The following NYAP2 variants were observed in gnomAD, a reference collection of about 807,000 sequenced individuals.
NYAP2 encodes the protein neuronal tyrosine-phosphorylated phosphoinositide-3-kinase adaptor 2.
Under a neutral mutation model 50.4 loss-of-function variants are expected in NYAP2, and 23 were observed. The ratio of observed to expected loss-of-function variants is 0.46; its 90% confidence interval spans 0.33 to 0.65. NYAP2 has a LOEUF of 0.65. Ranked by LOEUF, NYAP2 falls within the 30% of genes least tolerant of loss-of-function variation. The pLI is 0.02. For synonymous variants in NYAP2, 394 were observed against 365.2 expected (o/e 1.08, Z -0.90); for missense variants, 885 against 861.0 (o/e 1.03, Z -0.35).
chr2:225,450,058 T>C (rs932615381), intron 3 of NYAP2, among the ~76,000 whole-genome samples: 14 of 152,192 alleles, frequency 9.2e-5, no homozygotes, highest in Non-Finnish European at 7.3e-5. Flanking sequence ...AAAGATAATA[T>C]GTGGTCTTGA....
At chr2:225,476,443 A>G (rs981917305) in intron 3 of NYAP2, among the ~76,000 whole-genome samples, 2 of 152,102 alleles carry the variant, frequency 1.3e-5, no homozygotes, top group African/African-American at 2.4e-5. Context: ...TACTTAAAAA[A>G]TATGCCAGGT....
the NYAP2 span, among the ~76,000 whole-genome samples, chr2:225,697,930 TGGGA>T: frequency 6.6e-6 from 1 of 151,904 alleles, no homozygotes; most frequent in Non-Finnish European, 1.5e-5. Flanking sequence ...CCCAGCACTT[TGGGA>T]GGCTGAGGCG....
chr2:225,500,776 A>G (rs1418543259), intron 3 of NYAP2, among the ~76,000 whole-genome samples: 2 of 152,178 alleles, frequency 1.3e-5, no homozygotes, highest in African/African-American at 4.8e-5. Flanking sequence ...TAGAAGGTCA[A>G]TGAATAGATG....
intron 5 of NYAP2, among the ~76,000 whole-genome samples, chr2:225,586,376 C>T (rs1692389872): frequency 6.6e-6 from 1 of 151,940 alleles, no homozygotes; most frequent in South Asian, 2.1e-4. Context: ...AGTGTTTTTT[C>T]CTGGTTGATG....
At chr2:225,691,796 A>G in the NYAP2 span, among the ~76,000 whole-genome samples, 1 of 152,030 alleles carries the variant, frequency 6.6e-6, no homozygotes, top group Non-Finnish European at 1.5e-5. Context: ...AATGCTATCC[A>G]TGGTCTCCTG....
At chr2:225,604,408 G>A (rs551263621) in intron 5 of NYAP2, among the ~76,000 whole-genome samples, 4 of 152,148 alleles carry the variant, frequency 2.6e-5, no homozygotes, top group African/African-American at 9.6e-5. Flanking sequence ...TATTTGCTGG[G>A]CCTTAGAAAT....
At chr2:225,591,745 C>A (rs1993323) in intron 5 of NYAP2, among the ~76,000 whole-genome samples, 75,412 of 151,870 alleles carry the variant, frequency 0.5, 19,615 homozygotes, top group South Asian at 0.67. Flanking sequence ...TTTAATGATA[C>A]CTTATCTATA....
intron 6 of NYAP2, among the ~76,000 whole-genome samples, chr2:225,632,393 C>A (rs1693335369): frequency 6.6e-6 from 1 of 152,172 alleles, no homozygotes; most frequent in Non-Finnish European, 1.5e-5. Context: ...GCGTCTATTT[C>A]TCTCTGTCCC....
In NYAP2 at chr2:225,458,060, G is replaced by GA. The variant is rs1226173942; in HGVS notation, c.221+48968dup. On this transcript the variant is annotated intron_variant, in intron 3 of 6. Transcript: ENST00000636099. ...TTAACTAATTTCCACCGATACTTAA[G>GA]AAAAAAAAACGATACGCACAGTACA... Among the ~76,000 whole-genome samples the GA allele has an allele frequency of 2.3e-4, 34 of 147,814 alleles. 1 individual carries two copies. Among genetic ancestry groups the GA allele is most frequent in the South Asian group, 8.6e-4 (4 of 4,650 alleles).
intron 4 of NYAP2, among the ~76,000 whole-genome samples, chr2:225,546,970 C>A (rs780620671): frequency 1.1e-4 from 17 of 152,112 alleles, no homozygotes; most frequent in Non-Finnish European, 1.8e-4. Flanking sequence ...CAGAGTGTGT[C>A]TAGAAAGGTC....
intron 3 of NYAP2, among the ~76,000 whole-genome samples, chr2:225,489,345 C>T (rs1428193755): frequency 6.6e-6 from 1 of 152,068 alleles, no homozygotes; most frequent in Non-Finnish European, 1.5e-5. Context: ...AGGTGCCCGC[C>T]ACCATACCTC....
At chr2:225,479,968 C>A (rs966422673) in intron 3 of NYAP2, among the ~76,000 whole-genome samples, 4 of 151,918 alleles carry the variant, frequency 2.6e-5, no homozygotes, top group African/African-American at 9.7e-5. Context: ...TTAAGAAATT[C>A]TTCTACTTCT....
chr2:225,449,379 G>A (rs1004886190), intron 3 of NYAP2, among the ~76,000 whole-genome samples: 1 of 152,148 alleles, frequency 6.6e-6, no homozygotes, highest in Non-Finnish European at 1.5e-5. Context: ...TGATAGATAT[G>A]AAGTACTGTC....
intron 3 of NYAP2, among the ~76,000 whole-genome samples, chr2:225,502,135 C>A (rs372669323): frequency 6.6e-6 from 1 of 152,154 alleles, no homozygotes; most frequent in Non-Finnish European, 1.5e-5. Flanking sequence ...GTGACACGAG[C>A]AAATCTGCAT....
chr2:225,531,747 C>G (rs1333124151), intron 4 of NYAP2, among the ~76,000 whole-genome samples: 1 of 152,216 alleles, frequency 6.6e-6, no homozygotes, highest in Non-Finnish European at 1.5e-5. Context: ...TGCATTTTCT[C>G]TCCATCCATC....
Position 225,561,891 on chromosome 2 carries a change from A to AT in NYAP2, c.524-20040dup, listed in dbSNP as rs200940611. On this transcript the variant is annotated intron_variant, in intron 4 of 6. Coordinates refer to ENST00000636099, the Ensembl canonical transcript of NYAP2. ...GGGGTCCTGGAATTAGGGGCTATAT[A>AT]TTTTTTTTTTCATGTTTGCTTCAAT... 6.2e-3 allele frequency among the ~76,000 whole-genome samples: 930 copies of AT among 150,430 alleles called. 6 individuals are homozygous for AT. The highest frequency in any genetic ancestry group is 0.021 in the African/African-American group (882 of 41,102).
rs577696505 is a variant in NYAP2, at chr2:225,604,326, G to A, written c.1618+21291G>A. Among the ~76,000 whole-genome samples, 8 of 152,182 alleles carry A rather than the reference G, an allele frequency of 5.3e-5. No individual in the cohort carries two copies. In the South Asian group the frequency reaches 1.5e-3, roughly 28 times the overall value. On this transcript the variant is annotated intron_variant, in intron 5 of 6. Coordinates refer to ENST00000636099, the Ensembl canonical transcript of NYAP2. ...TTCCTTTTTTGGCTTTAATGTGAAC[G>A]CCTGGAAAATAAGATTAGTGATTCC... is the stretch of plus-strand genomic sequence containing the variant.
intron 4 of NYAP2, among the ~76,000 whole-genome samples, chr2:225,556,970 TC>T (rs1331854418): frequency 6.6e-6 from 1 of 152,192 alleles, no homozygotes; most frequent in Non-Finnish European, 1.5e-5. Flanking sequence ...CAAATGTCTC[TC>T]TTTCTGAGGC....
At chr2:225,558,230 T>C (rs1195190261) in intron 4 of NYAP2, among the ~76,000 whole-genome samples, 2 of 152,216 alleles carry the variant, frequency 1.3e-5, no homozygotes, top group Admixed American at 6.5e-5. Flanking sequence ...ATTGCTGCTA[T>C]AAAAGTATGT....
Sources: gnomAD v4.1 joint callset for allele counts (sites outside exome capture counted in the v4.1 genomes callset) on GRCh38, gnomAD v4.1.1 for gene constraint, MANE v1.5 for transcripts, NCBI Gene and HGNC (gene_info 2026-07-23, HGNC 2026-07-21) for gene names.